The following CSMD1 variants were observed in gnomAD, a reference collection of about 807,000 sequenced individuals.
CSMD1 encodes the protein CUB and Sushi multiple domains 1.
Under a neutral mutation model 417.5 loss-of-function variants are expected in CSMD1, and 213 were observed. That is an observed-to-expected ratio of 0.51 (90% confidence interval 0.46 to 0.57). The LOEUF is 0.57. CSMD1 is among the 20% of genes least tolerant of loss of function. The probability of loss-of-function intolerance (pLI) is 0.00; values close to 1 mark genes in which losing one functional copy is unlikely to be tolerated. For synonymous variants in CSMD1, 2,862 were observed against 1,736.8 expected, an observed-to-expected ratio of 1.65 and a Z score of -16.11; for missense variants, 6,923 against 4,529.7, an observed-to-expected ratio of 1.53 and a Z score of -15.17.
intron 3 of CSMD1, among the ~76,000 whole-genome samples, chr8:4,181,011 G>T (rs189835316): frequency 6.6e-6 from 1 of 152,058 alleles, no homozygotes; most frequent in East Asian, 1.9e-4. Context: ...TGGAATAAAA[G>T]CAAAAAAGTC....
intron 1 of CSMD1, among the ~76,000 whole-genome samples, chr8:4,992,247 C>T (rs1189008327): frequency 6.6e-6 from 1 of 152,114 alleles, no homozygotes; most frequent in African/African-American, 2.4e-5. Context: ...GCCTCAGCCT[C>T]ATCCTAGCGC....
intron 3 of CSMD1, among the ~76,000 whole-genome samples, chr8:4,365,953 G>A (rs1036728221): frequency 6.6e-6 from 1 of 151,892 alleles, no homozygotes; most frequent in African/African-American, 2.4e-5. Flanking sequence ...TTAGGTTCAG[G>A]GTATCCACGT....
At chr8:3,965,237 A>G (rs1254600714) in intron 5 of CSMD1, among the ~76,000 whole-genome samples, 2 of 152,198 alleles carry the variant, frequency 1.3e-5, no homozygotes, top group African/African-American at 4.8e-5. Flanking sequence ...GAGACGGCAA[A>G]TGCTTTCCAC....
At chr8:4,082,151 A>G (rs1035106292) in intron 3 of CSMD1, among the ~76,000 whole-genome samples, 31 of 152,208 alleles carry the variant, frequency 2.0e-4, no homozygotes, top group African/African-American at 5.5e-4. Context: ...CAAAATCTCT[A>G]TAGATCCTAA....
In CSMD1 at chr8:3,806,937, G is replaced by C. The variant is rs998306452; in HGVS notation, c.819-52895C>G. Among the ~76,000 whole-genome samples the C allele has an allele frequency of 1.1e-4, 17 of 152,126 alleles. 1 individual carries two copies. The highest frequency in any genetic ancestry group is 1.1e-3 in the Admixed American group (17 of 15,268). The stretch of plus-strand genomic sequence containing the variant: ...AGTGAGGTACTTATTCTAATTGTCA[G>C]ATAGGATTTAATCCAACTGCTTAAT... On this transcript the variant is annotated intron_variant, in intron 5 of 69. Transcript: ENST00000635120.
At chr8:3,467,004 T>C (rs376946928) in intron 12 of CSMD1, among the ~76,000 whole-genome samples, 3 of 152,198 alleles carry the variant, frequency 2.0e-5, no homozygotes, top group East Asian at 3.9e-4. Context: ...GACATTGAAT[T>C]GGCCATCTCT....
At chr8:4,643,184 AG>A (rs1408586729) in intron 1 of CSMD1, among the ~76,000 whole-genome samples, 4 of 152,238 alleles carry the variant, frequency 2.6e-5, no homozygotes, top group Non-Finnish European at 4.4e-5. Context: ...GTTTGCAAAA[AG>A]CCCAGATCAC....
At chr8:4,058,883 C>G (rs556823597) in intron 3 of CSMD1, among the ~76,000 whole-genome samples, 1 of 151,596 alleles carries the variant, frequency 6.6e-6, no homozygotes, top group Non-Finnish European at 1.5e-5. Flanking sequence ...GACAGATCAA[C>G]GAGAGAGAAA....
At chr8:4,374,661 A>G (rs933397557) in intron 3 of CSMD1, among the ~76,000 whole-genome samples, 1 of 152,134 alleles carries the variant, frequency 6.6e-6, no homozygotes, top group African/African-American at 2.4e-5. Context: ...TTTTCTGAGT[A>G]GACGGCTAGA....
intron 1 of CSMD1, among the ~76,000 whole-genome samples, chr8:4,922,531 T>A (rs1806566260): frequency 6.6e-6 from 1 of 152,210 alleles, no homozygotes; most frequent in African/African-American, 2.4e-5. Context: ...GGGCAAACCA[T>A]TCACACCCTT....
chr8:4,208,943 C>G (rs895701694), intron 3 of CSMD1, among the ~76,000 whole-genome samples: 1 of 152,014 alleles, frequency 6.6e-6, no homozygotes, highest in African/African-American at 2.4e-5. Flanking sequence ...AAAACTTGAC[C>G]CTTTGCAGTA....
chr8:4,545,524 A>T (rs1196267087), intron 2 of CSMD1, among the ~76,000 whole-genome samples: 1 of 148,998 alleles, frequency 6.7e-6, no homozygotes, highest in Non-Finnish European at 1.5e-5. Flanking sequence ...CGACCCTACG[A>T]AAGAATCTAC....
intron 69 of CSMD1, among the ~76,000 whole-genome samples, chr8:2,940,764 T>A (rs1801817743): frequency 6.6e-6 from 1 of 152,234 alleles, no homozygotes; most frequent in South Asian, 2.1e-4. Context: ...CAGTCTTATA[T>A]GAAGGTTTGC....
intron 3 of CSMD1, among the ~76,000 whole-genome samples, chr8:4,230,827 T>A (rs201962031): frequency 1.3e-5 from 2 of 152,160 alleles, no homozygotes; most frequent in South Asian, 2.1e-4. Flanking sequence ...AGTGTCACAA[T>A]GTATTTTTTG....
intron 3 of CSMD1, among the ~76,000 whole-genome samples, chr8:4,176,375 T>C (rs145168352): frequency 3.6e-4 from 55 of 152,292 alleles, no homozygotes; most frequent in African/African-American, 1.3e-3. Flanking sequence ...ATCTACACTC[T>C]TAAGCCTCTT....
chr8:3,823,481 T>C (rs564181448), intron 5 of CSMD1, among the ~76,000 whole-genome samples: 2 of 152,312 alleles, frequency 1.3e-5, no homozygotes, highest in South Asian at 4.1e-4. Context: ...CGAATGTATT[T>C]TTGAACCATT....
intron 11 of CSMD1, among the ~76,000 whole-genome samples, chr8:3,491,198 T>C (rs897065286): frequency 1.3e-5 from 2 of 152,090 alleles, no homozygotes; most frequent in Non-Finnish European, 2.9e-5. Context: ...AAAAGCATGG[T>C]AGGTCCACAG....
intron 3 of CSMD1, among the ~76,000 whole-genome samples, chr8:4,335,300 C>T (rs527970957): frequency 1.2e-4 from 19 of 152,166 alleles, no homozygotes; most frequent in African/African-American, 4.1e-4. Context: ...CTACCATAAC[C>T]GGGAGGGTGA....
chr8:4,136,558 T>G (rs1206917935), intron 3 of CSMD1, among the ~76,000 whole-genome samples: 1 of 152,178 alleles, frequency 6.6e-6, no homozygotes, highest in African/African-American at 2.4e-5. Context: ...AGATGCAAAA[T>G]GCCTCTAATT....
Sources: gnomAD v4.1 joint callset for allele counts (sites outside exome capture counted in the v4.1 genomes callset) on GRCh38, gnomAD v4.1.1 for gene constraint, MANE v1.5 for transcripts, NCBI Gene and HGNC (gene_info 2026-07-23, HGNC 2026-07-21) for gene names.